Variants in ABHD12 observed in about 807,000 individuals in gnomAD.
The protein encoded by ABHD12 is lysophosphatidylserine lipase ABHD12.
Under a neutral mutation model 58.3 loss-of-function variants are expected in ABHD12, and 43 were observed. The ratio of observed to expected loss-of-function variants is 0.74; its 90% CI spans 0.58 to 0.95. ABHD12 has a LOEUF of 0.95. Ranked by LOEUF, ABHD12 falls within the 40% of genes least tolerant of loss-of-function variation. ABHD12 has a pLI of 0.00. For missense variants in ABHD12, 539 were observed against 537.2 expected, an observed-to-expected ratio of 1.00 and a Z score of -0.03; for synonymous variants, 219 against 211.2, an observed-to-expected ratio of 1.04 and a Z score of -0.32.
At chr20:25,306,687 T>A in intron 10 of ABHD12, 146 bp downstream of exon 10, 1 of 631,982 alleles carries the variant, frequency 1.6e-6, no homozygotes, top group Non-Finnish European at 2.8e-6. Flanking sequence ...TAGCAGGCTT[T>A]CCCTTTTTAA....
chr20:25,368,777 A>G (rs1568766587), intron 1 of ABHD12: 1 of 832,070 alleles, frequency 1.2e-6, no homozygotes, highest in African/African-American at 1.7e-5. Context: ...GGCTGATAGT[A>G]CAGGGCTCCC....
chr20:25,299,072 C>T (rs1487650779), downstream of ABHD12, among the ~76,000 whole-genome samples: 3 of 130,266 alleles, frequency 2.3e-5, no homozygotes, highest in African/African-American at 6.6e-5. Context: ...GCACCCTTCT[C>T]GCTCTTATCT....
At chr20:25,386,025 C>A (rs894087258) in intron 1 of ABHD12, among the ~76,000 whole-genome samples, 2 of 151,614 alleles carry the variant, frequency 1.3e-5, no homozygotes, top group Admixed American at 6.6e-5. Flanking sequence ...GGCGTGAACC[C>A]GGGAGGCAAA....
chr20:25,308,542 G>C (rs2088790562), intron 7 of ABHD12, 48 bp from the exon 8 acceptor site: 1 of 1,574,530 alleles, frequency 6.4e-7, no homozygotes, highest in African/African-American at 1.3e-5. Flanking sequence ...AAAATTGTTT[G>C]AGATGATATG....
chr20:25,353,816 TG>T (rs2089633433), intron 1 of ABHD12, among the ~76,000 whole-genome samples: 1 of 152,246 alleles, frequency 6.6e-6, no homozygotes, highest in Admixed American at 6.5e-5. Flanking sequence ...TTCGCCTTCC[TG>T]GCCTTTCCTT....
At chr20:25,380,894 T>C (rs1056034437) in intron 1 of ABHD12, among the ~76,000 whole-genome samples, 3 of 152,160 alleles carry the variant, frequency 2.0e-5, no homozygotes, top group Admixed American at 6.5e-5. Context: ...AACCAAACAT[T>C]ACTTCTCCTG....
chr20:25,361,670 C>G (rs142038793), intron 1 of ABHD12, among the ~76,000 whole-genome samples: 226 of 152,296 alleles, frequency 1.5e-3, no homozygotes, highest in Non-Finnish European at 2.5e-3. Context: ...AATCTTACAC[C>G]TGGGACCGGG....
downstream of ABHD12, chr20:25,297,581 A>G (rs201817562): frequency 6.6e-6 from 1 of 152,296 alleles, no homozygotes; most frequent in Non-Finnish European, 1.5e-5. Flanking sequence ...CAGGCCTGGC[A>G]CTGGGAGGTG....
chr20:25,329,915 C>T (rs1379217223), intron 2 of ABHD12, among the ~76,000 whole-genome samples: 1 of 152,178 alleles, frequency 6.6e-6, no homozygotes, highest in Non-Finnish European at 1.5e-5. Context: ...GGAAGCTGGC[C>T]CTTTGCTTTA....
intron 3 of ABHD12, among the ~76,000 whole-genome samples, chr20:25,322,381 A>ATATATATATATATATATATACATTTTT: frequency 1.7e-5 from 1 of 59,284 alleles, no homozygotes; most frequent in African/African-American, 8.3e-5. Context: ...ATATATATAT[A>ATATATATATATATATATATACATTTTT]TTTTTTTTTT....
chr20:25,360,260 A>G (rs371200258), intron 1 of ABHD12, among the ~76,000 whole-genome samples: 823 of 14,770 alleles, frequency 0.056, 9 homozygotes, highest in Middle Eastern at 0.21. Context: ...TTTTTTTTTG[A>G]GATGGAGTCT....
At chr20:25,298,622 G>A (rs2088587874), downstream of ABHD12, among the ~76,000 whole-genome samples, 1 of 152,148 alleles carries the variant, frequency 6.6e-6, no homozygotes, top group Admixed American at 6.5e-5. Context: ...TGCTATCTGG[G>A]GATAAGAAAC....
downstream of ABHD12, chr20:25,296,551 G>A (rs749231664): frequency 6.3e-7 from 1 of 1,589,282 alleles, no homozygotes. Flanking sequence ...GGACCAGCGG[G>A]CATTTGTTTT....
chr20:25,296,303 A>T (rs2088543060), downstream of ABHD12: 1 of 1,578,004 alleles, frequency 6.3e-7, no homozygotes, highest in Non-Finnish European at 8.7e-7. Context: ...AAAGTTCTGG[A>T]ATCCCATGTT....
At chr20:25,335,972 A>AC (rs1272636140) in intron 2 of ABHD12, among the ~76,000 whole-genome samples, 2 of 149,660 alleles carry the variant, frequency 1.3e-5, no homozygotes, top group African/African-American at 5.1e-5. Flanking sequence ...ATAAATAAAA[A>AC]AAAAACAAAA....
intron 1 of ABHD12, among the ~76,000 whole-genome samples, chr20:25,381,125 ACAGT>A (rs1201447752): frequency 2.6e-5 from 4 of 152,090 alleles, no homozygotes; most frequent in Non-Finnish European, 5.9e-5. Flanking sequence ...TGCTTGTCAC[ACAGT>A]CAGAGTGACA....
At chr20:25,338,074 A>T (rs1600821063) in intron 2 of ABHD12, among the ~76,000 whole-genome samples, 1 of 152,108 alleles carries the variant, frequency 6.6e-6, no homozygotes, top group Admixed American at 6.6e-5. Context: ...AAGAAACAGA[A>T]ATTCCTTTTT....
chr20:25,323,550 T>C, intron 2 of ABHD12, 120 bp from the exon 3 acceptor site: 3 of 727,736 alleles, frequency 4.1e-6, no homozygotes. Context: ...CACACACACA[T>C]GCACACCCAC....
intron 1 of ABHD12, among the ~76,000 whole-genome samples, chr20:25,351,108 C>T (rs2089595305): frequency 6.6e-6 from 1 of 152,104 alleles, no homozygotes; most frequent in African/African-American, 2.4e-5. Context: ...TTCTGTTGAT[C>T]TGTCTATTGT....
Sources: gnomAD v4.1 joint callset for allele counts (sites outside exome capture counted in the v4.1 genomes callset) on GRCh38, gnomAD v4.1.1 for gene constraint, MANE v1.5 for transcripts, NCBI Gene and HGNC (gene_info 2026-07-23, HGNC 2026-07-21) for gene names.